Variants in GNG7 observed in about 807,000 individuals in gnomAD.
GNG7 encodes G protein subunit gamma 7.
In GNG7, 1 loss-of-function variant was observed where a neutral mutation model predicts 4.0. That is an observed-to-expected ratio of 0.25 (90% CI 0.09 to 1.18). The LOEUF is 1.18. Ranked by LOEUF, GNG7 falls within the 50% of genes most tolerant of loss-of-function variation. The pLI, the probability that GNG7 is intolerant of heterozygous loss-of-function variation, is 0.50. For missense variants in GNG7, 86 were observed against 91.9 expected (o/e 0.94, Z 0.26); for synonymous variants, 34 against 36.9 (o/e 0.92, Z 0.29).
At chr19:2,568,684 CAT>C (rs1378002270) in intron 2 of GNG7, among the ~76,000 whole-genome samples, 5 of 150,318 alleles carry the variant, frequency 3.3e-5, no homozygotes, top group African/African-American at 4.9e-5. Flanking sequence ...CATATATACA[CAT>C]ACACACATAC....
Position 2,512,103 on chromosome 19 carries a change from G to A in GNG7, c.*2919C>T, listed in dbSNP as rs1334896738. 4.1e-6 allele frequency: 4 copies of A among 985,772 alleles called. No individual in the cohort carries two copies. Among genetic ancestry groups the A allele is most frequent in the South Asian group, 4.7e-5 (1 of 21,292 alleles). 61.1% of individuals were successfully genotyped at this position (985,772 alleles called of 1,614,324 possible). ...TGTGTGTGTGCGTGGGTGGGGGTGA[G>A]TGTCCTTAACTCTCTTTTCCCCTGG... On this transcript the variant is annotated 3_prime_UTR_variant, in exon 5 of 5. Transcript: ENST00000382159. This position sits in a 1 kb window ranked among gnomAD's most constrained non-coding sequence, Gnocchi z 4.7.
intron 2 of GNG7, among the ~76,000 whole-genome samples, chr19:2,583,889 T>C (rs1210646956): frequency 6.6e-6 from 1 of 152,004 alleles, no homozygotes; most frequent in Admixed American, 6.6e-5. Context: ...CCATAATATA[T>C]TGCTAAATTA....
At chr19:2,665,070 G>A (rs1219573837) in intron 1 of GNG7, among the ~76,000 whole-genome samples, 1 of 151,664 alleles carries the variant, frequency 6.6e-6, no homozygotes, top group Admixed American at 6.6e-5. Flanking sequence ...TTGGGGGGAG[G>A]GAGAGAGGAG....
intron 2 of GNG7, among the ~76,000 whole-genome samples, chr19:2,603,369 G>T (rs1315895849): frequency 1.2e-4 from 18 of 152,204 alleles, no homozygotes; most frequent in Admixed American, 1.1e-3. Flanking sequence ...CCGGCCTAAA[G>T]CTGTGTTCTT....
chr19:2,676,183 G>A (rs967016977), intron 1 of GNG7, among the ~76,000 whole-genome samples: 1 of 152,210 alleles, frequency 6.6e-6, no homozygotes, highest in African/African-American at 2.4e-5. Flanking sequence ...GGCCGGGAAC[G>A]GCCCTGCCCA....
At position 2,532,172 on chromosome 19, in the gene GNG7, AAC is replaced by A. The variant is rs1481568226; in HGVS notation, c.-37-11449_-37-11448del. ...TCTCAAAAAAAAAAACAAAAAAAAAAACAAAAACCAGCACTACAAAGAGACCC... is the reference window on the plus strand; with the variant it reads ...TCTCAAAAAAAAAAACAAAAAAAAAAAAAAACCAGCACTACAAAGAGACCC... On this transcript the variant is annotated intron_variant, in intron 3 of 4. Coordinates refer to ENST00000382159, the MANE Select transcript of GNG7 (RefSeq NM_052847.3). Among the ~76,000 whole-genome samples the A allele has an allele frequency of 9.4e-3, 1,422 of 150,836 alleles. 16 individuals carry two copies. The highest frequency in any genetic ancestry group is 0.033 in the African/African-American group (1,325 of 40,652).
chr19:2,560,047 C>T (rs969814806), intron 2 of GNG7, among the ~76,000 whole-genome samples: 6 of 152,068 alleles, frequency 3.9e-5, no homozygotes, highest in Non-Finnish European at 8.8e-5. Flanking sequence ...GGGCGTGGTC[C>T]ACCTAGGAGG....
intron 2 of GNG7, among the ~76,000 whole-genome samples, chr19:2,598,513 TG>T (rs1205871967): frequency 6.8e-6 from 1 of 148,070 alleles, no homozygotes; most frequent in Admixed American, 6.7e-5. Flanking sequence ...AAAAATTAGC[TG>T]GGTGTGGTGG....
At chr19:2,688,303 G>A (rs954719713) in intron 1 of GNG7, among the ~76,000 whole-genome samples, 10 of 152,108 alleles carry the variant, frequency 6.6e-5, no homozygotes, top group South Asian at 2.1e-4. Flanking sequence ...AAAGTTTGCC[G>A]TACGAAGGAT....
At chr19:2,665,372 G>C (rs1214488379) in intron 1 of GNG7, among the ~76,000 whole-genome samples, 1 of 149,240 alleles carries the variant, frequency 6.7e-6, no homozygotes, top group Non-Finnish European at 1.5e-5. Flanking sequence ...GGGGGGGGGG[G>C]GGCAGGATCA....
chr19:2,622,161 G>T (rs1981891706), intron 2 of GNG7, among the ~76,000 whole-genome samples: 1 of 151,584 alleles, frequency 6.6e-6, no homozygotes, highest in Admixed American at 6.6e-5. Flanking sequence ...CTCACTGCAA[G>T]CTCTGCCTCC....
intron 3 of GNG7, among the ~76,000 whole-genome samples, chr19:2,541,074 C>T (rs548138725): frequency 3.9e-5 from 6 of 152,352 alleles, no homozygotes; most frequent in African/African-American, 1.2e-4. Context: ...GGGACTTTAC[C>T]GAGCGGCTCC....
intron 2 of GNG7, among the ~76,000 whole-genome samples, chr19:2,608,318 A>G (rs969355076): frequency 5.1e-4 from 50 of 97,738 alleles, no homozygotes; most frequent in African/African-American, 1.2e-3. Flanking sequence ...GCCCCTGGGA[A>G]AAAAAAAAAA....
At chr19:2,566,564 C>G (rs540922038) in intron 2 of GNG7, among the ~76,000 whole-genome samples, 1 of 152,202 alleles carries the variant, frequency 6.6e-6, no homozygotes, top group African/African-American at 2.4e-5. Flanking sequence ...AGAACTGGGG[C>G]CACAGCAATG....
intron 3 of GNG7, among the ~76,000 whole-genome samples, chr19:2,532,956 G>A (rs1160812500): frequency 6.6e-6 from 1 of 151,970 alleles, no homozygotes; most frequent in African/African-American, 2.4e-5. Flanking sequence ...ATTTATTCAA[G>A]ATAAATAAAA....
chr19:2,592,912 G>A (rs1338198104), intron 2 of GNG7, among the ~76,000 whole-genome samples: 2 of 141,668 alleles, frequency 1.4e-5, no homozygotes, highest in African/African-American at 2.7e-5. Flanking sequence ...AAGGAAAGAA[G>A]GAAGGAAGGA....
At chr19:2,673,124 G>T (rs184023345) in intron 1 of GNG7, among the ~76,000 whole-genome samples, 1 of 151,984 alleles carries the variant, frequency 6.6e-6, no homozygotes, top group Admixed American at 6.6e-5. Context: ...GGGCGTGGCA[G>T]CGGGCGCCTG....
chr19:2,683,726 G>A (rs1026315068), intron 1 of GNG7: 1 of 152,634 alleles, frequency 6.6e-6, no homozygotes. Flanking sequence ...AAAAACAAGA[G>A]AGAGACCCTG....
At chr19:2,658,334 G>T (rs1983049824) in intron 1 of GNG7, among the ~76,000 whole-genome samples, 1 of 152,066 alleles carries the variant, frequency 6.6e-6, no homozygotes, top group Non-Finnish European at 1.5e-5. Context: ...GGTCACTGTT[G>T]CATATTCCTC....
Sources: allele counts gnomAD v4.1 joint callset (sites outside exome capture counted in the v4.1 genomes callset), GRCh38; gene constraint gnomAD v4.1.1; non-coding constraint Gnocchi (gnomAD v3.1); transcripts MANE v1.5; gene names NCBI Gene and HGNC (gene_info 2026-07-23, HGNC 2026-07-21).